The following QSOX1 variants were observed in gnomAD, a reference collection of about 807,000 sequenced individuals.
QSOX1 encodes quiescin sulfhydryl oxidase 1, also known as sulfhydryl oxidase 1.
QSOX1 carries 40 observed loss-of-function variants against 76.1 expected under a neutral mutation model. That is an observed-to-expected ratio of 0.53 (90% CI 0.41 to 0.68). The LOEUF (loss-of-function observed/expected upper bound fraction) is 0.68, where lower values mean the gene tolerates loss of function less well. Ranked by LOEUF, QSOX1 falls within the 30% of genes least tolerant of loss-of-function variation. The probability of loss-of-function intolerance (pLI) is 0.00; values close to 1 mark genes in which losing one functional copy is unlikely to be tolerated. For synonymous variants in QSOX1, 392 were observed against 413.1 expected, an observed-to-expected ratio of 0.95 and a Z score of 0.62; for missense variants, 931 against 974.3, an observed-to-expected ratio of 0.96 and a Z score of 0.59.
chr1:180,184,456 A>G (rs1247704236), intron 7 of QSOX1, among the ~76,000 whole-genome samples: 1 of 151,208 alleles, frequency 6.6e-6, no homozygotes, highest in Non-Finnish European at 1.5e-5. Context: ...GTGGCAGCAG[A>G]TATGTACAGG....
intron 10 of QSOX1, among the ~76,000 whole-genome samples, chr1:180,192,374 C>T (rs768189314): frequency 3.3e-5 from 5 of 152,232 alleles, no homozygotes; most frequent in South Asian, 2.1e-4. Flanking sequence ...GAGAGGCTAA[C>T]GGAAGTGACA....
Position 180,196,278 on chromosome 1 carries a change from C to T in QSOX1, c.1485C>T (p.Asp495=). Residue 495 remains aspartate (D), a synonymous_variant, in exon 12 of 12, where the codon GAC becomes GAT. Coordinates refer to ENST00000367602, the MANE Select transcript of QSOX1 (RefSeq NM_002826.5). The surrounding 1 kb of genome is among the most constrained non-coding windows in gnomAD (Gnocchi z 4.1). ...NARLAGAPSE[D]PQFPKVQWPP... is the part of the protein sequence containing the mutation. The stretch of plus-strand genomic sequence containing the variant: ...CCTCTGTAGGTGCCCCCAGCGAGGA[C>T]CCCCAGTTCCCCAAGGTGCAGTGGC... The T allele has an allele frequency of 6.2e-7, 1 of 1,611,660 alleles. No individual in the cohort carries two copies. The highest frequency in any genetic ancestry group is 8.5e-7 in the Non-Finnish European group (1 of 1,178,078).
chr1:180,183,507 G>A (rs187547299), intron 6 of QSOX1, among the ~76,000 whole-genome samples: 5 of 152,324 alleles, frequency 3.3e-5, no homozygotes, highest in Admixed American at 6.5e-5. Context: ...ACCTCAGGGC[G>A]AGCTTATGGA....
chr1:180,165,456 C>T (rs1484517093), intron 1 of QSOX1, among the ~76,000 whole-genome samples: 1 of 152,262 alleles, frequency 6.6e-6, no homozygotes, highest in Non-Finnish European at 1.5e-5. Flanking sequence ...ACCCTCCTCT[C>T]CAGGCAGCCT....
At chr1:180,191,914 T>A (rs572491656) in intron 10 of QSOX1, among the ~76,000 whole-genome samples, 2 of 151,936 alleles carry the variant, frequency 1.3e-5, no homozygotes, top group South Asian at 4.2e-4. Context: ...CTGTGCTGGT[T>A]TCTTCGAGCC....
intron 7 of QSOX1, among the ~76,000 whole-genome samples, 187 bp from the exon 8 acceptor site, chr1:180,185,866 A>G (rs1265728322): frequency 6.6e-6 from 1 of 152,264 alleles, no homozygotes; most frequent in Non-Finnish European, 1.5e-5. Flanking sequence ...ATTGAGGCTC[A>G]GAGAAATTAG....
At position 180,160,629 on chromosome 1, in the gene QSOX1, A is replaced by C. The variant is rs577026388; in HGVS notation, c.265+5457A>C. Among the ~76,000 whole-genome samples the C allele has an allele frequency of 5.3e-5, 8 of 152,280 alleles. No homozygotes were observed. The East Asian group carries it at 1.5e-3, about 29-fold the overall frequency. ...TAACTACAGCATTATCCTGCCAGACAAAAAAAGGTAGATGTAATCAAGGAT... is the reference window on the plus strand; with the variant it reads ...TAACTACAGCATTATCCTGCCAGACCAAAAAAGGTAGATGTAATCAAGGAT... On this transcript the variant is annotated intron_variant, in intron 1 of 11. Transcript: ENST00000367602.
rs201938628 is a variant in QSOX1 at position 180,178,870 on chromosome 1, T to C, written c.592T>C (p.Tyr198His). Residue 198 changes from tyrosine to histidine, a missense_variant, in exon 5 of 12, where the codon TAC becomes CAC. Physicochemically the swap from Tyr to His is moderately conservative, Grantham distance 83. Transcript: ENST00000367602. ...TCTGATCTTTGAAAAGGGAGGCTCCTACCTGGGTAGAGAGGTGAGCTGCCC... is the reference window on the plus strand; with the variant it reads ...TCTGATCTTTGAAAAGGGAGGCTCCCACCTGGGTAGAGAGGTGAGCTGCCC... ...LALIFEKGGS[Y>H]LGREVALDLS... 4.4e-6 allele frequency: 7 copies of C among 1,608,388 alleles called. No homozygotes were observed. Among genetic ancestry groups the C allele is most frequent in the Non-Finnish European group, 6.0e-6 (7 of 1,175,078 alleles).
At position 180,186,187 on chromosome 1, in the gene QSOX1, G is replaced by A. The variant is rs2149240067; in HGVS notation, c.1017+5G>A. ...TTTGTGGCAGTGCTGGCCAAGGTGA[G>A]CAGGGCCATGGCTTCCCTTGTCTGT... On this transcript the variant is annotated splice_donor_5th_base_variant and intron_variant, in intron 8 of 11. Coordinates refer to ENST00000367602, the MANE Select transcript of QSOX1 (RefSeq NM_002826.5). 6.2e-7 allele frequency: 1 copy of A among 1,610,712 alleles called. No homozygotes were observed. The highest frequency in any genetic ancestry group is 8.5e-7 in the Non-Finnish European group (1 of 1,178,426).
intron 2 of QSOX1, among the ~76,000 whole-genome samples, chr1:180,171,651 A>G (rs1183583941): frequency 6.6e-6 from 1 of 152,220 alleles, no homozygotes; most frequent in Non-Finnish European, 1.5e-5. Context: ...CTTCTTTGTG[A>G]CAGTGCCTTC....
At position 180,196,574 on chromosome 1, in the gene QSOX1, C is replaced by G. The variant is rs377701409; in HGVS notation, c.1781C>G (p.Pro594Arg). The change falls in exon 12 of 12, where the codon CCA becomes CGA. Residue 594 changes from proline to arginine, a missense_variant. Pro to Arg is a moderately radical substitution (Grantham distance 103). Coordinates refer to ENST00000367602, the MANE Select transcript of QSOX1 (RefSeq NM_002826.5). The surrounding 1 kb of genome is among the most constrained non-coding windows in gnomAD (Gnocchi z 4.1). Reference protein sequence around the residue: ...EMMKSPTNTTPHVPAEGPEAS... With the variant: ...EMMKSPTNTTRHVPAEGPEAS... ...ATGAAGTCCCCCACAAACACCACCC[C>G]ACATGTGCCGGCTGAGGGACCTGAG... is the stretch of plus-strand genomic sequence containing the variant. 89 of 1,614,188 alleles carry G rather than the reference C, an allele frequency of 5.5e-5. No homozygotes were observed. Among genetic ancestry groups the G allele is most frequent in the Non-Finnish European group, 6.1e-5 (72 of 1,180,032 alleles).
chr1:180,166,938 T>G (rs1662644582), intron 2 of QSOX1, among the ~76,000 whole-genome samples: 4 of 152,222 alleles, frequency 2.6e-5, no homozygotes, highest in African/African-American at 7.2e-5. Context: ...AAAAATGCCT[T>G]GAACCACAGG....
Position 180,197,492 on chromosome 1 carries a change from T to G in QSOX1, c.*455T>G. On this transcript the variant is annotated 3_prime_UTR_variant, in exon 12 of 12. Transcript: ENST00000367602. ...CTGGGGCTCCGCCCACCCTGCTCCCTTCCGGACAATGAAGAAGCCTTTGCA... is the reference window on the plus strand; with the variant it reads ...CTGGGGCTCCGCCCACCCTGCTCCCGTCCGGACAATGAAGAAGCCTTTGCA... 8.1e-7 allele frequency: 1 copy of G among 1,237,114 alleles called. No homozygotes were observed. Among genetic ancestry groups the G allele is most frequent in the Non-Finnish European group, 1.1e-6 (1 of 871,160 alleles). 76.6% of individuals were successfully genotyped at this position (1,237,114 alleles called of 1,614,324 possible).
At chr1:180,165,708 G>A (rs1662600142) in intron 1 of QSOX1, among the ~76,000 whole-genome samples, 2 of 152,228 alleles carry the variant, frequency 1.3e-5, no homozygotes, top group African/African-American at 4.8e-5. Context: ...GCCTCCATGT[G>A]GGTGGAACTT....
At chr1:180,187,686 G>GTC (rs1342977342) in intron 8 of QSOX1, among the ~76,000 whole-genome samples, 2 of 152,262 alleles carry the variant, frequency 1.3e-5, no homozygotes, top group Non-Finnish European at 2.9e-5. Context: ...TGCCTGCTGA[G>GTC]TCTCTGCCTT....
chr1:180,169,235 C>T lies in QSOX1; in HGVS notation c.366+2644C>T, dbSNP rs578231846. Among the ~76,000 whole-genome samples the T allele has an allele frequency of 4.6e-5, 7 of 152,332 alleles. No individual in the cohort carries two copies. The East Asian group carries it at 1.2e-3, about 25-fold the overall frequency. On this transcript the variant is annotated intron_variant, in intron 2 of 11. Transcript: ENST00000367602. Reference sequence around the variant, plus strand: ...GCAGGTTCTGGCTGGAGCTTGGCAACCTAGAGGCTGGAACTTCCGGGTCAA... The same window carrying T: ...GCAGGTTCTGGCTGGAGCTTGGCAATCTAGAGGCTGGAACTTCCGGGTCAA...
In QSOX1 at chr1:180,198,904, C is replaced by T. The variant is rs1469416952; in HGVS notation, c.*1867C>T. The T allele has an allele frequency of 1.8e-5, 3 of 162,466 alleles. No individual in the cohort carries two copies. Among genetic ancestry groups the T allele is most frequent in the Admixed American group, 5.7e-5 (1 of 17,674 alleles). 10.1% of individuals were successfully genotyped at this position (162,466 alleles called of 1,614,324 possible). Reference sequence around the variant, plus strand: ...GGCCGCTGAATAAGCCTGCCCTTCACCCCCTAAGGGCTCCTTGCCCAATGC... The same window carrying T: ...GGCCGCTGAATAAGCCTGCCCTTCATCCCCTAAGGGCTCCTTGCCCAATGC... On this transcript the variant is annotated 3_prime_UTR_variant, in exon 12 of 12. Transcript: ENST00000367602.
At chr1:180,181,261 G>A (rs974779947) in intron 5 of QSOX1, among the ~76,000 whole-genome samples, 6 of 152,114 alleles carry the variant, frequency 3.9e-5, no homozygotes, top group Admixed American at 1.3e-4. Context: ...GCTAGGGGGC[G>A]CCACCTGCTC....
At chr1:180,178,517 C>T (rs1332997633) in intron 4 of QSOX1, among the ~76,000 whole-genome samples, 3 of 152,262 alleles carry the variant, frequency 2.0e-5, no homozygotes, top group Non-Finnish European at 4.4e-5. Context: ...CGTGAGCCAC[C>T]GCACCCGGCC....
Sources: gnomAD v4.1 joint callset for allele counts (sites outside exome capture counted in the v4.1 genomes callset) on GRCh38, gnomAD v4.1.1 for gene constraint, Gnocchi (gnomAD v3.1) non-coding constraint, MANE v1.5 for transcripts, NCBI Gene and HGNC (gene_info 2026-07-23, HGNC 2026-07-21) for gene names.